The following ANKRD33B variants were observed in gnomAD, a reference collection of about 807,000 sequenced individuals.
ANKRD33B encodes ankyrin repeat domain 33B, also known as ankyrin repeat domain-containing protein 33B.
A neutral mutation model predicts 21.5 loss-of-function variants in ANKRD33B; 6 were observed. The ratio of observed to expected loss-of-function variants is 0.28; its 90% confidence interval spans 0.15 to 0.55. The LOEUF is 0.55. Among genes scored for constraint, ANKRD33B ranks in the 20% least tolerant of loss-of-function variants. ANKRD33B has a pLI of 0.94. For synonymous variants in ANKRD33B, 347 were observed against 342.4 expected (o/e 1.01, Z -0.15); for missense variants, 698 against 747.2 (o/e 0.93, Z 0.77).
chr5:10,577,073 C>T (rs1165273858), intron 1 of ANKRD33B, among the ~76,000 whole-genome samples: 2 of 151,880 alleles, frequency 1.3e-5, no homozygotes, highest in Admixed American at 6.6e-5. Context: ...CTTTTCCCTT[C>T]CCTTTCCCCT....
intron 1 of ANKRD33B, among the ~76,000 whole-genome samples, chr5:10,588,975 T>G (rs1301460219): frequency 1.3e-5 from 2 of 152,146 alleles, no homozygotes; most frequent in African/African-American, 4.8e-5. Context: ...TCCCAGCTTG[T>G]CATGCTTGAC....
chr5:10,633,266 TA>T (rs1736774173), intron 2 of ANKRD33B, among the ~76,000 whole-genome samples: 1 of 152,114 alleles, frequency 6.6e-6, no homozygotes, highest in Admixed American at 6.5e-5. Context: ...CACGCCCAGC[TA>T]ATTTTTATAT....
rs938335436 is a variant in ANKRD33B, at chr5:10,652,471, G to A, written c.*2358G>A. The A allele has an allele frequency of 6.6e-6, 1 of 152,544 alleles. No homozygotes were observed. Among genetic ancestry groups the A allele is most frequent in the African/African-American group, 2.4e-5 (1 of 41,466 alleles). 9.4% of individuals were successfully genotyped at this position (152,544 alleles called of 1,614,324 possible). A position where few individuals can be genotyped will look rare whatever the true frequency, so the allele number is the denominator to read the frequency against. ...AGGCAGCTTCTGCTCGGACTGACGT[G>A]GCGTCTGACCCTTGGTGGGTTGCCA... is the stretch of plus-strand genomic sequence containing the variant. On this transcript the variant is annotated 3_prime_UTR_variant, in exon 4 of 4. Coordinates refer to ENST00000296657, the MANE Select transcript of ANKRD33B (RefSeq NM_001164440.2). The surrounding 1 kb of genome is among the most constrained non-coding windows in gnomAD (Gnocchi z 4.1).
At chr5:10,638,492 A>T (rs913464231) in intron 3 of ANKRD33B, among the ~76,000 whole-genome samples, 31 of 152,288 alleles carry the variant, frequency 2.0e-4, no homozygotes, top group Middle Eastern at 3.4e-3. Flanking sequence ...GAAAGGGGTG[A>T]TCCCTTGGCT....
At chr5:10,589,948 A>T (rs540070906) in intron 1 of ANKRD33B, among the ~76,000 whole-genome samples, 7 of 149,704 alleles carry the variant, frequency 4.7e-5, no homozygotes, top group Admixed American at 2.7e-4. Context: ...CTATCTTTTA[A>T]ATCTTTTTTT....
At chr5:10,626,362 G>A (rs1235355912) in intron 2 of ANKRD33B, among the ~76,000 whole-genome samples, 1 of 152,246 alleles carries the variant, frequency 6.6e-6, no homozygotes, top group East Asian at 1.9e-4. Context: ...AAGCTGTGGC[G>A]ATTTCTCCTT....
chr5:10,572,929 C>G (rs1487960597), intron 1 of ANKRD33B, among the ~76,000 whole-genome samples: 1 of 152,204 alleles, frequency 6.6e-6, no homozygotes, highest in Non-Finnish European at 1.5e-5. Context: ...CCCATCTGAT[C>G]AGATGCCTAC....
intron 1 of ANKRD33B, among the ~76,000 whole-genome samples, chr5:10,587,397 G>A (rs987428877): frequency 1.3e-5 from 2 of 152,072 alleles, no homozygotes; most frequent in East Asian, 1.9e-4. Flanking sequence ...CACCACACCC[G>A]GCCAGATTTT....
rs1361516798 is a variant in ANKRD33B, at chr5:10,603,792, A to C, written c.367-14541A>C. On this transcript the variant is annotated intron_variant, in intron 1 of 3. Transcript: ENST00000296657. The stretch of plus-strand genomic sequence containing the variant: ...TAATTTAAGCCTTTCCTCATGATTA[A>C]AATTCTTTATATACCTCAATTTTAC... 3.9e-5 allele frequency among the ~76,000 whole-genome samples: 6 copies of C among 152,276 alleles called. No individual in the cohort carries two copies. The East Asian group carries it at 1.2e-3, about 29-fold the overall frequency.
At chr5:10,634,379 C>T (rs541642056) in intron 2 of ANKRD33B, among the ~76,000 whole-genome samples, 109 of 151,928 alleles carry the variant, frequency 7.2e-4, no homozygotes, top group African/African-American at 2.5e-3. Context: ...TGAACCTACC[C>T]TTTAAAAGGG....
intron 2 of ANKRD33B, among the ~76,000 whole-genome samples, chr5:10,618,689 T>C (rs1336648492): frequency 6.6e-6 from 1 of 152,182 alleles, no homozygotes; most frequent in Admixed American, 6.5e-5. Context: ...CCCAAAGTTT[T>C]TGAATATGAA....
At chr5:10,618,608 G>A in intron 2 of ANKRD33B, 146 bp downstream of exon 2, 1 of 1,235,358 alleles carries the variant, frequency 8.1e-7, no homozygotes, top group Non-Finnish European at 1.1e-6. Flanking sequence ...AGGGCTGATT[G>A]CTGTGACCAC....
chr5:10,592,287 T>A (rs987890689), intron 1 of ANKRD33B, among the ~76,000 whole-genome samples: 1 of 152,018 alleles, frequency 6.6e-6, no homozygotes. Context: ...TGTCTCTTAT[T>A]TTTGTTAAAC....
chr5:10,649,475 C>T lies in ANKRD33B; in HGVS notation c.847C>T (p.Leu283Phe), dbSNP rs1737272642. 1.3e-6 allele frequency: 2 copies of T among 1,535,102 alleles called. No individual in the cohort carries two copies. Among genetic ancestry groups the T allele is most frequent in the African/African-American group, 2.7e-5 (2 of 72,988 alleles). ...PAGSKNCLQRLTDCVLSVLTP... is the reference protein window; with the variant it reads ...PAGSKNCLQRFTDCVLSVLTP... The stretch of plus-strand genomic sequence containing the variant: ...GGGCTCCAAGAACTGCCTGCAGAGG[C>T]TCACAGACTGCGTGCTGTCCGTGCT... The change falls in exon 4 of 4, where the codon CTC becomes TTC. Residue 283 changes from leucine to phenylalanine, a missense_variant. Leu to Phe is a conservative substitution (Grantham distance 22, BLOSUM62 0). Coordinates refer to ENST00000296657, the MANE Select transcript of ANKRD33B (RefSeq NM_001164440.2).
At chr5:10,615,250 G>T (rs1422813172) in intron 1 of ANKRD33B, among the ~76,000 whole-genome samples, 1 of 152,198 alleles carries the variant, frequency 6.6e-6, no homozygotes. Context: ...TTCCTGAAGA[G>T]CAGGTTAGCA....
chr5:10,594,464 C>T (rs1344408910), intron 1 of ANKRD33B, among the ~76,000 whole-genome samples: 3 of 152,116 alleles, frequency 2.0e-5, no homozygotes, highest in Non-Finnish European at 4.4e-5. Flanking sequence ...CTGATCTGCC[C>T]TCCTCGGCCT....
In ANKRD33B at chr5:10,652,772, C is replaced by A; in HGVS notation, c.*2659C>A. 1 of 255,532 alleles carries A rather than the reference C, an allele frequency of 3.9e-6. No homozygotes were observed. The allele number at this position is 255,532 out of a possible 1,614,324, so 15.8% of individuals were successfully genotyped here. A position where few individuals can be genotyped will look rare whatever the true frequency, so the allele number is the denominator to read the frequency against. On this transcript the variant is annotated 3_prime_UTR_variant, in exon 4 of 4. Transcript: ENST00000296657. The surrounding 1 kb of genome is among the most constrained non-coding windows in gnomAD (Gnocchi z 4.1). ...TGCCCCCGATGTGTTCCAGCCTCAT[C>A]CAGGTGCACAGGATACTCTGGGGCC...
chr5:10,624,012 CTGT>C lies in ANKRD33B; in HGVS notation c.496+5555_496+5557del, dbSNP rs1415852823. Among the ~76,000 whole-genome samples the C allele has an allele frequency of 5.9e-5, 9 of 152,262 alleles. No homozygotes were observed. The South Asian group carries it at 8.3e-4, about 14-fold the overall frequency. ...TCTTCAGTCTGCTCTCTGGAGATAACTGTTGTTAATGATTTGATGCCTAGATGG... is the reference window on the plus strand; with the variant it reads ...TCTTCAGTCTGCTCTCTGGAGATAACTGTTAATGATTTGATGCCTAGATGG... On this transcript the variant is annotated intron_variant, in intron 2 of 3. Coordinates refer to ENST00000296657, the MANE Select transcript of ANKRD33B (RefSeq NM_001164440.2).
At chr5:10,567,494 G>A (rs1212038475) in intron 1 of ANKRD33B, among the ~76,000 whole-genome samples, 1 of 152,190 alleles carries the variant, frequency 6.6e-6, no homozygotes. Context: ...ACTGGGAGAC[G>A]GACTGCTTTT....
Sources: allele counts gnomAD v4.1 joint callset (sites outside exome capture counted in the v4.1 genomes callset), GRCh38; gene constraint gnomAD v4.1.1; non-coding constraint Gnocchi (gnomAD v3.1); transcripts MANE v1.5; gene names NCBI Gene and HGNC (gene_info 2026-07-23, HGNC 2026-07-21).